The following OPCML variants were observed in gnomAD, a reference collection of about 807,000 sequenced individuals.
OPCML encodes opioid binding protein/cell adhesion molecule like.
A neutral mutation model predicts 37.8 loss-of-function variants in OPCML; 13 were observed. The observed-to-expected ratio is 0.34, with a 90% CI of 0.22 to 0.55. The LOEUF is 0.55. OPCML is among the 20% of genes least tolerant of loss of function. The pLI is 0.91. For synonymous variants in OPCML, 176 were observed against 168.8 expected (o/e 1.04, Z -0.33); for missense variants, 341 against 435.6 (o/e 0.78, Z 1.93).
intron 2 of OPCML, among the ~76,000 whole-genome samples, chr11:132,695,619 T>C (rs1369059013): frequency 6.6e-6 from 1 of 152,214 alleles, no homozygotes; most frequent in Non-Finnish European, 1.5e-5. Flanking sequence ...GTGTGCACTG[T>C]ATATTTATGT....
At chr11:133,008,984 T>A in intron 1 of OPCML, 1 of 985,430 alleles carries the variant, frequency 1.0e-6, no homozygotes, top group Non-Finnish European at 1.2e-6. Context: ...AGCATGGACA[T>A]GGACTGACAT....
chr11:133,430,134 G>A (rs920399399), intron 1 of OPCML, among the ~76,000 whole-genome samples: 7 of 152,088 alleles, frequency 4.6e-5, no homozygotes, highest in Non-Finnish European at 7.4e-5. Flanking sequence ...TGCAAATACC[G>A]CTGACAGATC....
intron 1 of OPCML, among the ~76,000 whole-genome samples, chr11:133,289,188 G>A (rs1018236379): frequency 6.6e-6 from 1 of 152,184 alleles, no homozygotes; most frequent in Non-Finnish European, 1.5e-5. Context: ...TTGTTAATTT[G>A]TTTTGGATAG....
intron 3 of OPCML, among the ~76,000 whole-genome samples, chr11:132,585,599 A>G (rs2096470910): frequency 6.6e-6 from 1 of 152,154 alleles, no homozygotes; most frequent in South Asian, 2.1e-4. Context: ...AGATCGGGCA[A>G]TTGTCACAAT....
intron 1 of OPCML, among the ~76,000 whole-genome samples, chr11:133,157,109 A>G (rs530463859): frequency 6.6e-6 from 1 of 152,250 alleles, no homozygotes; most frequent in South Asian, 2.1e-4. Context: ...CAAAATCTTC[A>G]GAGGGAGCCG....
intron 1 of OPCML, among the ~76,000 whole-genome samples, chr11:133,311,566 A>G (rs1943068009): frequency 6.6e-6 from 1 of 152,172 alleles, no homozygotes; most frequent in South Asian, 2.1e-4. Context: ...TAAACTCTAA[A>G]TAGGAAGACA....
chr11:133,254,800 G>A (rs986392376), intron 1 of OPCML, among the ~76,000 whole-genome samples: 15 of 152,116 alleles, frequency 9.9e-5, no homozygotes, highest in African/African-American at 3.6e-4. Flanking sequence ...GTACCCAGAG[G>A]GGAACCTGAG....
chr11:132,500,098 A>G (rs1006328712), intron 4 of OPCML, among the ~76,000 whole-genome samples: 3 of 152,198 alleles, frequency 2.0e-5, no homozygotes, highest in African/African-American at 7.2e-5. Context: ...TAAGTCTAAC[A>G]GTGTGAAAAC....
chr11:132,637,743 G>C (rs1940598519), intron 3 of OPCML, among the ~76,000 whole-genome samples: 1 of 152,124 alleles, frequency 6.6e-6, no homozygotes, highest in Admixed American at 6.5e-5. Context: ...GCAGGTATTA[G>C]AACCTGGCAG....
At chr11:133,008,057 G>A (rs11223320) in intron 1 of OPCML, 20 of 985,216 alleles carry the variant, frequency 2.0e-5, no homozygotes, top group East Asian at 1.1e-4. Context: ...CTTGCTGTAC[G>A]GCTACTTGCA....
intron 1 of OPCML, among the ~76,000 whole-genome samples, chr11:132,970,675 AACTC>A (rs1325903116): frequency 1.3e-5 from 2 of 151,890 alleles, no homozygotes; most frequent in African/African-American, 4.8e-5. Context: ...AGTCAAATGT[AACTC>A]ACTGTCTCCA....
At chr11:132,644,983 G>T (rs946295930) in intron 3 of OPCML, among the ~76,000 whole-genome samples, 2 of 152,208 alleles carry the variant, frequency 1.3e-5, no homozygotes, top group Non-Finnish European at 2.9e-5. Flanking sequence ...GTTGCTAACT[G>T]GTCATTAATG....
At chr11:132,791,147 G>A (rs893276667) in intron 2 of OPCML, among the ~76,000 whole-genome samples, 3 of 152,144 alleles carry the variant, frequency 2.0e-5, no homozygotes, top group Non-Finnish European at 2.9e-5. Context: ...CATCAAAGCC[G>A]TTGTGCACCA....
intron 2 of OPCML, among the ~76,000 whole-genome samples, chr11:132,738,882 G>A (rs1945345581): frequency 6.6e-6 from 1 of 152,110 alleles, no homozygotes; most frequent in Non-Finnish European, 1.5e-5. Context: ...ATGTCAAGAA[G>A]GGTTACTAAT....
chr11:132,977,844 T>C (rs1167047160), intron 1 of OPCML, among the ~76,000 whole-genome samples: 3 of 152,238 alleles, frequency 2.0e-5, no homozygotes, highest in Non-Finnish European at 4.4e-5. Flanking sequence ...TGTGGTTTTA[T>C]TTTTTTATTT....
intron 4 of OPCML, among the ~76,000 whole-genome samples, chr11:132,460,630 A>C (rs1468937900): frequency 6.6e-6 from 1 of 152,248 alleles, no homozygotes; most frequent in Admixed American, 6.5e-5. Flanking sequence ...AAATATAGAA[A>C]GTATTCAAAA....
intron 1 of OPCML, among the ~76,000 whole-genome samples, chr11:133,407,459 G>A (rs185306984): frequency 8.5e-4 from 130 of 152,134 alleles, no homozygotes; most frequent in African/African-American, 2.7e-3. Context: ...AACTTATCCC[G>A]GCATGCAGTG....
At chr11:133,274,097 G>T (rs1452748247) in intron 1 of OPCML, among the ~76,000 whole-genome samples, 1 of 152,136 alleles carries the variant, frequency 6.6e-6, no homozygotes, top group Non-Finnish European at 1.5e-5. Context: ...ACACCTGTTT[G>T]TTCAAATGCT....
intron 3 of OPCML, among the ~76,000 whole-genome samples, chr11:132,535,748 T>G (rs2137331923): frequency 6.6e-6 from 1 of 152,256 alleles, no homozygotes; most frequent in Non-Finnish European, 1.5e-5. Context: ...CTGGCCTCTC[T>G]TCAGCTGGAT....
Sources: allele counts gnomAD v4.1 joint callset (sites outside exome capture counted in the v4.1 genomes callset), GRCh38; gene constraint gnomAD v4.1.1; transcripts MANE v1.5; gene names NCBI Gene and HGNC (gene_info 2026-07-23, HGNC 2026-07-21).